The following FBXW11 variants were observed in gnomAD, a reference collection of about 807,000 sequenced individuals.
The protein encoded by FBXW11 is F-box/WD repeat-containing protein 11.
FBXW11 carries 19 observed loss-of-function variants against 77.6 expected under a neutral mutation model. The ratio of observed to expected loss-of-function variants is 0.24; its 90% CI spans 0.17 to 0.36. The LOEUF (loss-of-function observed/expected upper bound fraction) is 0.36. Among genes scored for constraint, FBXW11 ranks in the 10% least tolerant of loss-of-function variants. The pLI is 1.00. For missense variants in FBXW11, 334 were observed against 704.2 expected (o/e 0.47, Z 5.95); for synonymous variants, 235 against 249.4 (o/e 0.94, Z 0.54).
At chr5:171,898,958 G>A in intron 6 of FBXW11, 46 bp downstream of exon 6, 4 of 1,265,052 alleles carry the variant, frequency 3.2e-6, no homozygotes, top group Non-Finnish European at 4.4e-6. Context: ...AAAAAGTTGA[G>A]AACAAGAAAC....
At chr5:171,949,860 G>A (rs1274376422) in intron 2 of FBXW11, among the ~76,000 whole-genome samples, 1 of 152,096 alleles carries the variant, frequency 6.6e-6, no homozygotes, top group Admixed American at 6.6e-5. Context: ...AGTATGAAAA[G>A]GGATCTCTGA....
intron 1 of FBXW11, among the ~76,000 whole-genome samples, chr5:171,989,624 C>A (rs185911880): frequency 6.6e-6 from 1 of 152,332 alleles, no homozygotes; most frequent in Admixed American, 6.5e-5. Flanking sequence ...CTGGTCTCTT[C>A]AAACAAGTTA....
At chr5:171,920,979 AC>A (rs1459117001) in intron 2 of FBXW11, among the ~76,000 whole-genome samples, 1 of 152,216 alleles carries the variant, frequency 6.6e-6, no homozygotes, top group African/African-American at 2.4e-5. Context: ...AAACAAACAA[AC>A]AAAAAAATCC....
intron 1 of FBXW11, among the ~76,000 whole-genome samples, chr5:171,992,717 G>C (rs999331581): frequency 6.6e-6 from 1 of 151,820 alleles, no homozygotes; most frequent in African/African-American, 2.4e-5. Context: ...CTAAAGTCTA[G>C]TCAGCTACCA....
At chr5:171,961,883 G>A (rs902314225) in intron 1 of FBXW11, among the ~76,000 whole-genome samples, 6 of 152,194 alleles carry the variant, frequency 3.9e-5, no homozygotes, top group Admixed American at 3.9e-4. Context: ...CTGACCTCAG[G>A]TGATCTGCCT....
At chr5:171,919,403 T>C (rs1260090837) in intron 2 of FBXW11, among the ~76,000 whole-genome samples, 1 of 152,162 alleles carries the variant, frequency 6.6e-6, no homozygotes, top group African/African-American at 2.4e-5. Flanking sequence ...ACAGACTCCA[T>C]CCCAATATGT....
intron 2 of FBXW11, among the ~76,000 whole-genome samples, chr5:171,931,815 C>T (rs909191336): frequency 3.8e-5 from 4 of 105,386 alleles, no homozygotes; most frequent in African/African-American, 1.8e-4. Flanking sequence ...TCTCTCTCTC[C>T]TCTCTCTCTC....
At chr5:171,907,597 C>T (rs1581182314) in intron 4 of FBXW11, among the ~76,000 whole-genome samples, 1 of 152,266 alleles carries the variant, frequency 6.6e-6, no homozygotes, top group Middle Eastern at 3.4e-3. Context: ...ATGATATACA[C>T]TGACATATGT....
At chr5:171,942,457 T>C (rs958063719) in intron 2 of FBXW11, among the ~76,000 whole-genome samples, 2 of 152,232 alleles carry the variant, frequency 1.3e-5, no homozygotes, top group African/African-American at 2.4e-5. Context: ...GTTTGTTCTT[T>C]GTTTCCTTAT....
chr5:171,918,566 AC>A, intron 2 of FBXW11, among the ~76,000 whole-genome samples: 2 of 152,296 alleles, frequency 1.3e-5, no homozygotes, highest in East Asian at 3.9e-4. Context: ...TTTACTTTCT[AC>A]CCTTCTCATC....
intron 1 of FBXW11, among the ~76,000 whole-genome samples, chr5:172,001,494 T>A (rs1362510269): frequency 6.6e-6 from 1 of 152,200 alleles, no homozygotes; most frequent in African/African-American, 2.4e-5. Flanking sequence ...ACACCGTGTG[T>A]ATGAAGGAAC....
intron 7 of FBXW11, among the ~76,000 whole-genome samples, chr5:171,886,031 G>A (rs1258476414): frequency 6.6e-6 from 1 of 152,192 alleles, no homozygotes; most frequent in Non-Finnish European, 1.5e-5. Flanking sequence ...ACAATTAAGA[G>A]AATTCTTCAG....
intron 7 of FBXW11, 150 bp from the exon 8 acceptor site, chr5:171,878,279 C>T: frequency 1.6e-6 from 1 of 618,576 alleles, no homozygotes; most frequent in Non-Finnish European, 2.8e-6. Flanking sequence ...TAAGAAATGA[C>T]AAGAAGGAAT....
chr5:171,910,856 T>A, intron 3 of FBXW11, 59 bp from the exon 4 acceptor site: 1 of 1,205,450 alleles, frequency 8.3e-7, no homozygotes, highest in Non-Finnish European at 1.1e-6. Context: ...TAATTAATAT[T>A]TCATTAGAAA....
intron 2 of FBXW11, among the ~76,000 whole-genome samples, chr5:171,939,488 G>C (rs1017463073): frequency 2.6e-4 from 39 of 151,978 alleles, no homozygotes; most frequent in African/African-American, 9.4e-4. Flanking sequence ...CTTGAGCCTA[G>C]GAGTTCAAGA....
chr5:171,894,545 C>T (rs569993859), intron 6 of FBXW11, among the ~76,000 whole-genome samples: 1 of 152,270 alleles, frequency 6.6e-6, no homozygotes, highest in African/African-American at 2.4e-5. Flanking sequence ...TTGCTGCGCA[C>T]CAATCCTGGG....
intron 7 of FBXW11, among the ~76,000 whole-genome samples, chr5:171,890,268 C>T (rs571543580): frequency 1.4e-4 from 22 of 152,190 alleles, no homozygotes; most frequent in Non-Finnish European, 2.4e-4. Context: ...TGGCTGCTCA[C>T]GCCCGTAATC....
chr5:171,898,443 A>G (rs1166079903), intron 6 of FBXW11, among the ~76,000 whole-genome samples: 3 of 152,226 alleles, frequency 2.0e-5, no homozygotes, highest in Admixed American at 6.5e-5. Context: ...CACATGAACG[A>G]TATCAAACAT....
chr5:171,899,797 TC>T, intron 5 of FBXW11, 116 bp downstream of exon 5: 1 of 897,106 alleles, frequency 1.1e-6, no homozygotes, highest in Non-Finnish European at 1.7e-6. Context: ...CCACTCATTT[TC>T]CCCCCTTTTT....
Sources: allele counts gnomAD v4.1 joint callset (sites outside exome capture counted in the v4.1 genomes callset), GRCh38; gene constraint gnomAD v4.1.1; transcripts MANE v1.5; gene names NCBI Gene and HGNC (gene_info 2026-07-23, HGNC 2026-07-21).